Variants in BIRC6 observed in about 807,000 individuals in gnomAD.
BIRC6 encodes the protein baculoviral IAP repeat containing 6.
BIRC6 carries 98 observed loss-of-function variants against 503.3 expected under a neutral mutation model. That is an observed-to-expected ratio of 0.19 (90% CI 0.17 to 0.23). The LOEUF (loss-of-function observed/expected upper bound fraction) is 0.23. Among genes scored for constraint, BIRC6 ranks in the 10% least tolerant of loss-of-function variants. The pLI, the probability that BIRC6 is intolerant of heterozygous loss-of-function variation, is 1.00. For missense variants in BIRC6, 5,360 were observed against 5,806.0 expected (o/e 0.92, Z 2.50); for synonymous variants, 2,240 against 2,078.7 (o/e 1.08, Z -2.11).
chr2:32,488,957 T>C (rs1238904125), intron 42 of BIRC6, among the ~76,000 whole-genome samples: 5 of 152,192 alleles, frequency 3.3e-5, no homozygotes, highest in Non-Finnish European at 7.4e-5. Context: ...AACTAAAATT[T>C]ACAATGTTCT....
At chr2:32,492,435 A>C (rs2051855438) in intron 44 of BIRC6, among the ~76,000 whole-genome samples, 1 of 152,114 alleles carries the variant, frequency 6.6e-6, no homozygotes, top group Non-Finnish European at 1.5e-5. Context: ...ACTAACTTAC[A>C]GTTAGATTGG....
chr2:32,421,785 A>C (rs1180877550), intron 10 of BIRC6, among the ~76,000 whole-genome samples: 1 of 152,174 alleles, frequency 6.6e-6, no homozygotes, highest in Non-Finnish European at 1.5e-5. Context: ...TTCTGTGTGC[A>C]CTTGAAAAGA....
In BIRC6 at chr2:32,442,569, G is replaced by A. The variant is rs988927509; in HGVS notation, c.4238+114G>A. The A allele has an allele frequency of 4.9e-6, 6 of 1,213,424 alleles. No homozygotes were observed. In the African/African-American group the frequency reaches 9.3e-5, roughly 19 times the overall value. The allele number at this position is 1,213,424 out of a possible 1,614,324, so 75.2% of individuals were successfully genotyped here. Reference sequence around the variant, plus strand: ...TGTTTAATGTATGTATAATTTAAGAGAATTTCAAAAGTTGATGAAGATTGT... The same window carrying A: ...TGTTTAATGTATGTATAATTTAAGAAAATTTCAAAAGTTGATGAAGATTGT... On this transcript the variant is annotated intron_variant, in intron 19 of 73. Transcript: ENST00000421745.
In BIRC6 at chr2:32,529,696, T is replaced by G; in HGVS notation, c.11966T>G (p.Leu3989Arg). 1 of 1,613,474 alleles carries G rather than the reference T, an allele frequency of 6.2e-7. No individual in the cohort carries two copies. The highest frequency in any genetic ancestry group is 8.5e-7 in the Non-Finnish European group (1 of 1,179,686). Residue 3989 changes from leucine (L) to arginine (R), a missense_variant, in exon 60 of 74, where the codon CTC becomes CGC. Physicochemically the swap from Leu to Arg is moderately radical, Grantham distance 102 (BLOSUM62 -2). Transcript: ENST00000421745. The stretch of plus-strand genomic sequence containing the variant: ...ATGACACTTGCCCAGCTTTTAACTC[T>G]CCTATATGACCGAAAACTTCCTCAG... ...AEMTLAQLLTLLYDRKLPQGY... is the reference protein window; with the variant it reads ...AEMTLAQLLTRLYDRKLPQGY...
chr2:32,593,216 A>G (rs1167343026), intron 66 of BIRC6, among the ~76,000 whole-genome samples: 1 of 152,192 alleles, frequency 6.6e-6, no homozygotes, highest in East Asian at 1.9e-4. Flanking sequence ...AGAAAAGGAA[A>G]TAATGTTTAG....
rs886965375 is a variant in BIRC6, at chr2:32,467,814, A to G, written c.5571+75A>G. ...AGTTATGAAAAATGAATATATAATT[A>G]AAAAATATAACTATCTTTTTAAATA... On this transcript the variant is annotated intron_variant, in intron 27 of 73. Coordinates refer to ENST00000421745, the MANE Select transcript of BIRC6 (RefSeq NM_016252.4). The G allele has an allele frequency of 4.9e-6, 7 of 1,442,478 alleles. No homozygotes were observed. In the Admixed American group the frequency reaches 1.7e-4, roughly 34 times the overall value. 89.4% of individuals were successfully genotyped at this position (1,442,478 alleles called of 1,614,324 possible).
chr2:32,509,810 A>C lies in BIRC6; in HGVS notation c.10053A>C (p.Ala3351=). The change falls in exon 52 of 74, where the codon GCA becomes GCC. Residue 3351 remains alanine (A), a synonymous_variant. Transcript: ENST00000421745. ...ATCTAGAAGGAATGATGGCAAGTGC[A>C]GCTGCACCTACTGCTAATCTGCTGC... ...ISDLEGMMAS[A]AAPTANLLQT... 2 of 1,614,040 alleles carry C rather than the reference A, an allele frequency of 1.2e-6. No homozygotes were observed. Among genetic ancestry groups the C allele is most frequent in the Non-Finnish European group, 1.7e-6 (2 of 1,179,890 alleles).
At chr2:32,473,011 A>G in intron 32 of BIRC6, 101 bp from the exon 33 acceptor site, 2 of 988,988 alleles carry the variant, frequency 2.0e-6, no homozygotes, top group Non-Finnish European at 2.9e-6. Flanking sequence ...GCTTTTCATG[A>G]TTGACACATG....
chr2:32,364,547 A>G lies in BIRC6; in HGVS notation c.325+7061A>G, dbSNP rs74663664. Among the ~76,000 whole-genome samples the G allele has an allele frequency of 5.5e-3, 830 of 152,134 alleles. 10 individuals are homozygous for G. Among genetic ancestry groups the G allele is most frequent in the African/African-American group, 0.019 (793 of 41,518 alleles). The stretch of plus-strand genomic sequence containing the variant: ...TGAGCCACCGTGCCCAGCCCTGCTC[A>G]GTGTTCTTAGACAAACACTCCAGTT... On this transcript the variant is annotated intron_variant, in intron 1 of 73. Coordinates refer to ENST00000421745, the MANE Select transcript of BIRC6 (RefSeq NM_016252.4).
intron 45 of BIRC6, among the ~76,000 whole-genome samples, chr2:32,497,813 T>C (rs145294662): frequency 8.5e-5 from 13 of 152,266 alleles, no homozygotes; most frequent in African/African-American, 3.1e-4. Flanking sequence ...CTTTATGGCT[T>C]AGATAATTGA....
chr2:32,428,453 G>T (rs1178473787), intron 10 of BIRC6, among the ~76,000 whole-genome samples: 1 of 152,192 alleles, frequency 6.6e-6, no homozygotes, highest in African/African-American at 2.4e-5. Flanking sequence ...CCCATCTGGA[G>T]ATAGCAGTGA....
At chr2:32,482,649 T>G in intron 39 of BIRC6, 67 bp downstream of exon 39, 1 of 1,557,558 alleles carries the variant, frequency 6.4e-7, no homozygotes, top group Non-Finnish European at 8.7e-7. Flanking sequence ...TATGTATACT[T>G]TGTCCCTTGA....
intron 62 of BIRC6, among the ~76,000 whole-genome samples, chr2:32,544,170 A>G (rs1387998544): frequency 6.6e-6 from 1 of 150,438 alleles, no homozygotes; most frequent in Non-Finnish European, 1.5e-5. Flanking sequence ...CAGATCATGG[A>G]AAAAACGTAC....
At chr2:32,501,669 C>G (rs776741605) in intron 46 of BIRC6, 44 bp from the exon 47 acceptor site, 1 of 1,530,980 alleles carries the variant, frequency 6.5e-7, no homozygotes, top group Admixed American at 2.0e-5. Context: ...CTGCGCCTGG[C>G]TGGATATATA....
Position 32,513,005 on chromosome 2 carries a change from C to G in BIRC6, c.10419C>G (p.Asn3473Lys), listed in dbSNP as rs1307589387. The change falls in exon 54 of 74, where the codon AAC (asparagine) becomes AAG (lysine). Residue 3473 changes from asparagine to lysine, a missense_variant. By Grantham distance (94) the Asn-to-Lys change is moderately conservative. Coordinates refer to ENST00000421745, the MANE Select transcript of BIRC6 (RefSeq NM_016252.4). ...CTATGAAGAGAAGTGGCAGGATGAA[C>G]TACATGTGTCCTAACTCCTCAACAG... is the stretch of plus-strand genomic sequence containing the variant. ...VAAMKRSGRM[N>K]YMCPNSSTVE... 2 of 1,613,770 alleles carry G rather than the reference C, an allele frequency of 1.2e-6. No individual in the cohort carries two copies. The highest frequency in any genetic ancestry group is 3.3e-5 in the Admixed American group (2 of 60,000).
chr2:32,457,848 C>A (rs1434289993), intron 23 of BIRC6, among the ~76,000 whole-genome samples: 2 of 152,036 alleles, frequency 1.3e-5, no homozygotes, highest in African/African-American at 4.8e-5. Flanking sequence ...AACAGCATAG[C>A]CATTATCCAG....
chr2:32,434,978 T>G (rs980500052), intron 13 of BIRC6, among the ~76,000 whole-genome samples: 5 of 152,176 alleles, frequency 3.3e-5, no homozygotes, highest in African/African-American at 2.4e-5. Flanking sequence ...ATTATGCCAT[T>G]TTATATAAGG....
At chr2:32,457,733 C>A (rs2047406076) in intron 23 of BIRC6, among the ~76,000 whole-genome samples, 1 of 151,852 alleles carries the variant, frequency 6.6e-6, no homozygotes, top group South Asian at 2.1e-4. Context: ...TTTCTTAGGT[C>A]TGAAAAATAC....
chr2:32,426,311 C>T (rs915479880), intron 10 of BIRC6, among the ~76,000 whole-genome samples: 2 of 152,072 alleles, frequency 1.3e-5, no homozygotes, highest in Non-Finnish European at 2.9e-5. Context: ...TGTTATAAAC[C>T]CAACAGAATG....
Sources: gnomAD v4.1 joint callset for allele counts (sites outside exome capture counted in the v4.1 genomes callset) on GRCh38, gnomAD v4.1.1 for gene constraint, MANE v1.5 for transcripts, NCBI Gene and HGNC (gene_info 2026-07-23, HGNC 2026-07-21) for gene names.